The following ELP4 variants were observed in gnomAD, a reference collection of about 807,000 sequenced individuals.
ELP4 encodes the protein elongator complex protein 4.
A neutral mutation model predicts 48.9 loss-of-function variants in ELP4; 51 were observed. The observed-to-expected ratio is 1.04, with a 90% CI of 0.83 to 1.32. The LOEUF is 1.32. ELP4 is among the 40% of genes most tolerant of loss of function. ELP4 has a pLI of 0.00. For synonymous variants in ELP4, 210 were observed against 189.2 expected, an observed-to-expected ratio of 1.11 and a Z score of -0.90; for missense variants, 519 against 514.6, an observed-to-expected ratio of 1.01 and a Z score of -0.08.
chr11:31,769,800 G>A (rs1948101759), intron 9 of ELP4, among the ~76,000 whole-genome samples: 4 of 151,752 alleles, frequency 2.6e-5, no homozygotes, highest in South Asian at 4.2e-4. Flanking sequence ...AAAAAAAAAC[G>A]AGGATAAAAA....
chr11:31,742,661 G>C (rs929169638), intron 9 of ELP4, among the ~76,000 whole-genome samples: 14 of 152,156 alleles, frequency 9.2e-5, no homozygotes, highest in African/African-American at 3.4e-4. Context: ...AGCTTCATAA[G>C]TGAAGGAGAA....
chr11:31,602,790 G>T (rs756555690), intron 4 of ELP4, among the ~76,000 whole-genome samples: 12 of 151,780 alleles, frequency 7.9e-5, no homozygotes, highest in Non-Finnish European at 1.2e-4. Flanking sequence ...TGATTATCTA[G>T]TTTTGTTGAA....
intron 1 of ELP4, among the ~76,000 whole-genome samples, chr11:31,517,503 A>G (rs1956136634): frequency 6.6e-6 from 1 of 152,064 alleles, no homozygotes; most frequent in Admixed American, 6.6e-5. Context: ...TCTGTATGAC[A>G]AATGTGACTA....
chr11:31,585,338 C>G (rs948339980), intron 3 of ELP4, among the ~76,000 whole-genome samples: 11 of 151,964 alleles, frequency 7.2e-5, no homozygotes, highest in Non-Finnish European at 1.5e-5. Context: ...GTACCACCTC[C>G]TGAATGGGAA....
chr11:31,602,441 A>G (rs999123226), intron 4 of ELP4, among the ~76,000 whole-genome samples: 1 of 151,988 alleles, frequency 6.6e-6, no homozygotes, highest in Admixed American at 6.6e-5. Flanking sequence ...AATTCTGTAC[A>G]TATTGGATTG....
At chr11:31,650,094 T>C (rs759973165) in intron 8 of ELP4, 21 bp from the exon 9 acceptor site, 2 of 1,043,570 alleles carry the variant, frequency 1.9e-6, no homozygotes, top group Admixed American at 1.9e-5. Flanking sequence ...ATTTTTTTTC[T>C]TTTAATTTCT....
chr11:31,595,133 A>G (rs1053955021), intron 4 of ELP4, among the ~76,000 whole-genome samples: 17 of 152,162 alleles, frequency 1.1e-4, no homozygotes, highest in African/African-American at 3.4e-4. Flanking sequence ...AGAATGCTTT[A>G]TTCTAGAGTT....
At chr11:31,729,955 G>A (rs749827894) in intron 9 of ELP4, among the ~76,000 whole-genome samples, 7 of 152,112 alleles carry the variant, frequency 4.6e-5, no homozygotes, top group Non-Finnish European at 1.0e-4. Flanking sequence ...TGACATCTGC[G>A]AGATTGTAGA....
intron 3 of ELP4, among the ~76,000 whole-genome samples, chr11:31,570,076 C>T (rs1473422256): frequency 6.6e-6 from 1 of 152,158 alleles, no homozygotes; most frequent in Non-Finnish European, 1.5e-5. Context: ...TACATTGTAG[C>T]ACTATTCTCA....
chr11:31,719,874 G>A (rs1946923189), intron 9 of ELP4: 2 of 171,332 alleles, frequency 1.2e-5, no homozygotes, highest in South Asian at 2.0e-4. Context: ...TGTAGAGAAC[G>A]GTTACTTGTA....
intron 5 of ELP4, among the ~76,000 whole-genome samples, chr11:31,616,787 G>A (rs900067797): frequency 6.6e-6 from 1 of 152,060 alleles, no homozygotes; most frequent in Non-Finnish European, 1.5e-5. Context: ...CTCCAAAGAT[G>A]ATATACAGAA....
chr11:31,730,436 A>C (rs1947162502), intron 9 of ELP4, among the ~76,000 whole-genome samples: 1 of 152,142 alleles, frequency 6.6e-6, no homozygotes, highest in African/African-American at 2.4e-5. Context: ...ACACCTCTTA[A>C]TATTGTTGTA....
intron 9 of ELP4, among the ~76,000 whole-genome samples, chr11:31,774,462 G>A (rs1948206160): frequency 6.6e-6 from 1 of 152,200 alleles, no homozygotes; most frequent in South Asian, 2.1e-4. Context: ...TTGCCAAATT[G>A]TTAGTCAGTT....
At chr11:31,601,730 C>A (rs1375923614) in intron 4 of ELP4, among the ~76,000 whole-genome samples, 1 of 152,080 alleles carries the variant, frequency 6.6e-6, no homozygotes, top group African/African-American at 2.4e-5. Context: ...TGAAAAGTCT[C>A]TTTCTTTCTC....
rs1957395486 is a variant in ELP4, at chr11:31,581,693, A to G, written c.382-13077A>G. ...TTTAAAATCTAAAATACCCTATTTC[A>G]GGGTGTCAACCTCCTAAACTATTCC... is the stretch of plus-strand genomic sequence containing the variant. On this transcript the variant is annotated intron_variant, in intron 3 of 9. Transcript: ENST00000640961. Among the ~76,000 whole-genome samples the G allele has an allele frequency of 2.0e-5, 3 of 151,868 alleles. No individual in the cohort carries two copies. In the South Asian group the frequency reaches 6.2e-4, roughly 31 times the overall value.
chr11:31,672,106 A>C (rs1005722714), intron 9 of ELP4, among the ~76,000 whole-genome samples: 2 of 152,046 alleles, frequency 1.3e-5, no homozygotes, highest in African/African-American at 4.8e-5. Context: ...TTCAACCCTG[A>C]TATCTATTAG....
In ELP4 at chr11:31,625,228, A is replaced by G. The variant is rs74771543; in HGVS notation, c.654-1882A>G. Among the ~76,000 whole-genome samples, 422 of 151,822 alleles carry G rather than the reference A, an allele frequency of 2.8e-3. 5 individuals carry two copies. The highest frequency in any genetic ancestry group is 0.013 in the East Asian group (69 of 5,156). On this transcript the variant is annotated intron_variant, in intron 5 of 9. Transcript: ENST00000640961. ...CATCACTAGATGATGGGAATTTTTC[A>G]ATTCTATTACAATCTTATGGGGCAA...
intron 3 of ELP4, among the ~76,000 whole-genome samples, chr11:31,586,629 T>A (rs1028406390): frequency 2.6e-5 from 4 of 151,922 alleles, no homozygotes; most frequent in Admixed American, 2.6e-4. Flanking sequence ...CCAGTCAAAT[T>A]TTGTATGTTT....
chr11:31,524,926 A>G (rs1362067112), intron 2 of ELP4, among the ~76,000 whole-genome samples: 2 of 152,196 alleles, frequency 1.3e-5, no homozygotes, highest in African/African-American at 4.8e-5. Flanking sequence ...TTAAAGCTGC[A>G]GTGATCATGC....
Sources: allele counts gnomAD v4.1 joint callset (sites outside exome capture counted in the v4.1 genomes callset), GRCh38; gene constraint gnomAD v4.1.1; transcripts MANE v1.5; gene names NCBI Gene and HGNC (gene_info 2026-07-23, HGNC 2026-07-21).